The following APBA1 variants were observed in gnomAD, a reference collection of about 807,000 sequenced individuals.
APBA1 encodes amyloid beta precursor protein binding family A member 1, also known as amyloid-beta A4 precursor protein-binding family A member 1.
A neutral mutation model predicts 86.6 loss-of-function variants in APBA1; 55 were observed. The observed-to-expected ratio is 0.64, with a 90% confidence interval of 0.51 to 0.80. APBA1 has a LOEUF of 0.80. Ranked by LOEUF, APBA1 falls within the 30% of genes least tolerant of loss-of-function variation. The pLI is 0.00. For synonymous variants in APBA1, 511 were observed against 493.9 expected (o/e 1.03, Z -0.46); for missense variants, 1,090 against 1,183.0 (o/e 0.92, Z 1.15).
Position 69,431,415 on chromosome 9 carries a change from C to T in APBA1, c.2443-17G>A. 2 of 1,610,390 alleles carry T rather than the reference C, an allele frequency of 1.2e-6. No homozygotes were observed. The highest frequency in any genetic ancestry group is 1.7e-6 in the Non-Finnish European group (2 of 1,178,012). ...CATATGAATCTGAGGGTAAAGAACA[C>T]ACTTTAGTGGGGGGCTGAGGCTGGG... On this transcript the variant is annotated splice_polypyrimidine_tract_variant and intron_variant, in intron 12 of 12. Transcript: ENST00000265381.
chr9:69,490,488 T>G (rs13302617), intron 2 of APBA1, among the ~76,000 whole-genome samples: 4 of 150,762 alleles, frequency 2.7e-5, no homozygotes, highest in African/African-American at 7.3e-5. Flanking sequence ...AATAAAATTT[T>G]TAAAAAAAAG....
At chr9:69,554,648 A>G (rs1421258838) in intron 1 of APBA1, among the ~76,000 whole-genome samples, 1 of 152,242 alleles carries the variant, frequency 6.6e-6, no homozygotes, top group Non-Finnish European at 1.5e-5. Context: ...CAGTGCCTCC[A>G]TGATACACCA....
At chr9:69,568,743 T>C (rs535269514) in intron 1 of APBA1, among the ~76,000 whole-genome samples, 1 of 152,354 alleles carries the variant, frequency 6.6e-6, no homozygotes, top group East Asian at 1.9e-4. Context: ...CAACTGTGTG[T>C]ACCCAGTGTT....
At chr9:69,434,120 T>C (rs533650491) in intron 11 of APBA1, among the ~76,000 whole-genome samples, 18 of 152,334 alleles carry the variant, frequency 1.2e-4, no homozygotes, top group East Asian at 1.9e-4. Flanking sequence ...CGAGTCCCAA[T>C]TGTGACTGTG....
chr9:69,649,577 T>C (rs1344551937), intron 1 of APBA1, among the ~76,000 whole-genome samples: 2 of 152,152 alleles, frequency 1.3e-5, no homozygotes, highest in African/African-American at 4.8e-5. Flanking sequence ...CTGTCTCCTG[T>C]GCTTAACTCT....
At chr9:69,501,517 AGTG>A in intron 2 of APBA1, among the ~76,000 whole-genome samples, 1 of 151,772 alleles carries the variant, frequency 6.6e-6, no homozygotes, top group East Asian at 1.9e-4. Context: ...AGAAAATATG[AGTG>A]GCTGGGCATG....
chr9:69,530,369 T>G (rs1836412071), intron 1 of APBA1, among the ~76,000 whole-genome samples: 1 of 149,210 alleles, frequency 6.7e-6, no homozygotes, highest in East Asian at 2.0e-4. Flanking sequence ...TGCAACACTA[T>G]GGAATACTAT....
At chr9:69,446,293 T>TC (rs1834906509) in intron 10 of APBA1, among the ~76,000 whole-genome samples, 2 of 150,244 alleles carry the variant, frequency 1.3e-5, no homozygotes, top group Non-Finnish European at 3.0e-5. Context: ...CCATCACATT[T>TC]CCCCATTCAA....
At chr9:69,502,606 G>C (rs1413891539) in intron 2 of APBA1, among the ~76,000 whole-genome samples, 1 of 151,942 alleles carries the variant, frequency 6.6e-6, no homozygotes, top group Non-Finnish European at 1.5e-5. Flanking sequence ...AAGTCTCCTA[G>C]AGCATTATTC....
intron 1 of APBA1, among the ~76,000 whole-genome samples, chr9:69,604,908 G>A (rs1564090041): frequency 2.6e-5 from 4 of 151,932 alleles, no homozygotes; most frequent in African/African-American, 9.7e-5. Flanking sequence ...AGAGGCACAC[G>A]GGTATGGGCA....
chr9:69,450,383 AC>A (rs1281141171), intron 9 of APBA1, among the ~76,000 whole-genome samples: 1 of 152,148 alleles, frequency 6.6e-6, no homozygotes, highest in African/African-American at 2.4e-5. Flanking sequence ...CACAACCTTC[AC>A]TGGCAGGGCA....
chr9:69,611,004 G>C (rs961140561), intron 1 of APBA1, among the ~76,000 whole-genome samples: 2 of 151,084 alleles, frequency 1.3e-5, no homozygotes, highest in African/African-American at 4.9e-5. Flanking sequence ...CTTTTCTGCT[G>C]GTGTTGAGGT....
At chr9:69,541,994 A>T (rs894758117) in intron 1 of APBA1, among the ~76,000 whole-genome samples, 1 of 152,068 alleles carries the variant, frequency 6.6e-6, no homozygotes, top group Non-Finnish European at 1.5e-5. Context: ...TTCTTTTAAA[A>T]ATTTTACTTT....
intron 1 of APBA1, among the ~76,000 whole-genome samples, chr9:69,546,585 G>C (rs1047459640): frequency 1.3e-5 from 2 of 152,152 alleles, no homozygotes; most frequent in Non-Finnish European, 2.9e-5. Context: ...ACTAGAACTA[G>C]CTTAAGTAAG....
At chr9:69,620,305 A>C (rs1166282128) in intron 1 of APBA1, among the ~76,000 whole-genome samples, 1 of 152,250 alleles carries the variant, frequency 6.6e-6, no homozygotes, top group Non-Finnish European at 1.5e-5. Context: ...AGAGGATATA[A>C]GGTACACACT....
At chr9:69,506,427 A>AGTCTCACTG (rs1835967771) in intron 2 of APBA1, among the ~76,000 whole-genome samples, 1 of 114,536 alleles carries the variant, frequency 8.7e-6, no homozygotes, top group African/African-American at 3.4e-5. Flanking sequence ...ACGCCCACGG[A>AGTCTCACTG]GTCTCACTGA....
intron 1 of APBA1, among the ~76,000 whole-genome samples, chr9:69,532,253 A>G (rs11139160): frequency 0.12 from 18,899 of 152,206 alleles, 1,374 homozygotes; most frequent in East Asian, 0.29. Flanking sequence ...TACAAAATAA[A>G]CTGTATATGT....
In APBA1 at chr9:69,600,549, C is replaced by T. The variant is rs375400565; in HGVS notation, c.-70+71604G>A. On this transcript the variant is annotated intron_variant, in intron 1 of 12. Coordinates refer to ENST00000265381, the MANE Select transcript of APBA1 (RefSeq NM_001163.4). ...TGGGTGTGGTGGCTCACATCTGTAACCTCAGCTTTGGGAGGGAGGTGGGTG... is the reference window on the plus strand; with the variant it reads ...TGGGTGTGGTGGCTCACATCTGTAATCTCAGCTTTGGGAGGGAGGTGGGTG... Among the ~76,000 whole-genome samples, 25 of 152,160 alleles carry T rather than the reference C, an allele frequency of 1.6e-4. No homozygotes were observed. In the East Asian group the frequency reaches 2.5e-3, roughly 15 times the overall value.
intron 1 of APBA1, among the ~76,000 whole-genome samples, chr9:69,544,591 C>T (rs1330331): frequency 0.36 from 55,501 of 152,060 alleles, 11,793 homozygotes; most frequent in Non-Finnish European, 0.47. Flanking sequence ...ACCTTATACA[C>T]AGGGTCCTTC....
Sources: allele counts gnomAD v4.1 joint callset (sites outside exome capture counted in the v4.1 genomes callset), GRCh38; gene constraint gnomAD v4.1.1; transcripts MANE v1.5; gene names NCBI Gene and HGNC (gene_info 2026-07-23, HGNC 2026-07-21).